The following RBFOX1 variants were observed in gnomAD, a reference collection of about 807,000 sequenced individuals.
RBFOX1 encodes RNA binding fox-1 homolog 1, also known as RNA binding protein fox-1 homolog 1.
RBFOX1 carries 8 observed loss-of-function variants against 57.7 expected under a neutral mutation model. That is an observed-to-expected ratio of 0.14 (90% CI 0.08 to 0.25). The LOEUF (loss-of-function observed/expected upper bound fraction) is 0.25, where lower values mean the gene tolerates loss of function less well. Ranked by LOEUF, RBFOX1 falls within the 10% of genes least tolerant of loss-of-function variation. RBFOX1 has a pLI of 1.00. For synonymous variants in RBFOX1, 326 were observed against 222.4 expected, an observed-to-expected ratio of 1.47 and a Z score of -4.15; for missense variants, 611 against 548.5, an observed-to-expected ratio of 1.11 and a Z score of -1.14.
chr16:5,590,816 G>A (rs2046983014), intron 2 of RBFOX1, among the ~76,000 whole-genome samples: 1 of 152,148 alleles, frequency 6.6e-6, no homozygotes, highest in Admixed American at 6.5e-5. Flanking sequence ...CTACCTCAGT[G>A]GTAAAATGCA....
intron 1 of RBFOX1, among the ~76,000 whole-genome samples, chr16:5,398,498 GTGCATGTGAGCAGGTGTGCA>G (rs1389762145): frequency 6.6e-6 from 1 of 152,000 alleles, no homozygotes; most frequent in African/African-American, 2.4e-5. Flanking sequence ...GCTTGTGGGT[GTGCATGTGAGCAGGTGTGCA>G]TGCATGTGTG....
intron 2 of RBFOX1, among the ~76,000 whole-genome samples, chr16:6,328,042 A>T (rs924229760): frequency 6.6e-6 from 1 of 152,206 alleles, no homozygotes; most frequent in Non-Finnish European, 1.5e-5. Context: ...ACCAGCCCTA[A>T]TGCCCATCAA....
At position 6,929,312 on chromosome 16, in the gene RBFOX1, G is replaced by T. The variant is rs978636115; in HGVS notation, c.-15-122745G>T. On this transcript the variant is annotated intron_variant, in intron 3 of 15. Transcript: ENST00000550418. The stretch of plus-strand genomic sequence containing the variant: ...GGGGAAGCTCTGGTAAATGGAAGAG[G>T]GGTTTACCTTGTTTTTTCATTCATA... Among the ~76,000 whole-genome samples, 3 of 152,104 alleles carry T rather than the reference G, an allele frequency of 2.0e-5. No homozygotes were observed. In the South Asian group the frequency reaches 6.2e-4, roughly 32 times the overall value.
intron 4 of RBFOX1, among the ~76,000 whole-genome samples, chr16:7,099,009 G>T (rs1251159437): frequency 6.6e-6 from 1 of 152,042 alleles, no homozygotes; most frequent in Non-Finnish European, 1.5e-5. Flanking sequence ...TTTTTGGTGG[G>T]TCAGTGTCCA....
intron 4 of RBFOX1, among the ~76,000 whole-genome samples, chr16:5,995,672 C>T (rs2060477855): frequency 6.6e-6 from 1 of 152,058 alleles, no homozygotes; most frequent in Admixed American, 6.6e-5. Flanking sequence ...CATTGCAAGT[C>T]CAGATTATGT....
chr16:7,407,465 C>A (rs143171581), intron 4 of RBFOX1, among the ~76,000 whole-genome samples: 1 of 152,036 alleles, frequency 6.6e-6, no homozygotes, highest in African/African-American at 2.4e-5. Context: ...ACTAATTATT[C>A]TCAGACAGGT....
At chr16:6,382,104 T>C (rs1249163956) in intron 2 of RBFOX1, among the ~76,000 whole-genome samples, 1 of 152,272 alleles carries the variant, frequency 6.6e-6, no homozygotes, top group African/African-American at 2.4e-5. Flanking sequence ...TGTGTTCCAA[T>C]AATACTTTAT....
At chr16:6,649,865 A>G (rs112692694) in intron 2 of RBFOX1, among the ~76,000 whole-genome samples, 28 of 152,254 alleles carry the variant, frequency 1.8e-4, no homozygotes, top group African/African-American at 6.0e-4. Context: ...GTATTCATCT[A>G]TGTATAGTAT....
At chr16:5,983,409 C>T (rs552678918) in intron 4 of RBFOX1, among the ~76,000 whole-genome samples, 25 of 152,286 alleles carry the variant, frequency 1.6e-4, no homozygotes, top group African/African-American at 2.9e-4. Context: ...AGTGCTTTAT[C>T]GGTCTCCCAA....
intron 4 of RBFOX1, among the ~76,000 whole-genome samples, chr16:7,329,042 T>C (rs911479300): frequency 6.6e-6 from 1 of 152,206 alleles, no homozygotes; most frequent in Non-Finnish European, 1.5e-5. Context: ...TACAGGAACA[T>C]GGCCACAATC....
At chr16:6,844,285 C>A (rs530288448) in intron 3 of RBFOX1, among the ~76,000 whole-genome samples, 2 of 152,146 alleles carry the variant, frequency 1.3e-5, no homozygotes, top group East Asian at 1.9e-4. Flanking sequence ...GTTTGCTGCA[C>A]AGGTCATCCC....
intron 3 of RBFOX1, among the ~76,000 whole-genome samples, chr16:7,018,971 C>CAATA (rs56840861): frequency 0.016 from 2,423 of 151,578 alleles, 38 homozygotes; most frequent in East Asian, 0.081. Context: ...AATTAAAAAG[C>CAATA]AATAAATAAA....
chr16:7,441,693 G>A (rs892411323), intron 4 of RBFOX1, among the ~76,000 whole-genome samples: 2 of 152,204 alleles, frequency 1.3e-5, no homozygotes, highest in Non-Finnish European at 2.9e-5. Flanking sequence ...AAAATCAGAC[G>A]ATCTGGCATA....
At chr16:5,540,960 C>G (rs1186774986) in intron 2 of RBFOX1, among the ~76,000 whole-genome samples, 2 of 152,142 alleles carry the variant, frequency 1.3e-5, no homozygotes, top group African/African-American at 4.8e-5. Context: ...TGTGATTGTC[C>G]TGCCTCAGCG....
chr16:5,513,153 G>T (rs1289907124), intron 2 of RBFOX1, among the ~76,000 whole-genome samples: 1 of 152,158 alleles, frequency 6.6e-6, no homozygotes, highest in African/African-American at 2.4e-5. Flanking sequence ...GGGCTCAAGT[G>T]ATCTGGACTC....
intron 4 of RBFOX1, among the ~76,000 whole-genome samples, chr16:5,981,626 G>A (rs2060174838): frequency 6.6e-6 from 1 of 151,978 alleles, no homozygotes; most frequent in Non-Finnish European, 1.5e-5. Context: ...CCACTATCAG[G>A]CTGGGCCAAT....
intron 3 of RBFOX1, among the ~76,000 whole-genome samples, chr16:6,681,139 C>T (rs1035179224): frequency 1.3e-5 from 2 of 151,970 alleles, no homozygotes. Context: ...GGTGAGACCC[C>T]CATCTCTACT....
chr16:7,501,079 C>T (rs1040826393), intron 4 of RBFOX1, among the ~76,000 whole-genome samples: 1 of 152,190 alleles, frequency 6.6e-6, no homozygotes, highest in African/African-American at 2.4e-5. Context: ...TGTGAGTCAA[C>T]CTCTTTCCTT....
intron 1 of RBFOX1, among the ~76,000 whole-genome samples, chr16:5,315,755 C>G (rs1472284347): frequency 2.0e-5 from 3 of 152,182 alleles, no homozygotes; most frequent in Admixed American, 1.3e-4. Context: ...TTGCTCCCTT[C>G]TGAAGGCTGG....
Sources: allele counts gnomAD v4.1 joint callset (sites outside exome capture counted in the v4.1 genomes callset), GRCh38; gene constraint gnomAD v4.1.1; transcripts MANE v1.5; gene names NCBI Gene and HGNC (gene_info 2026-07-23, HGNC 2026-07-21).